DNAH6: variants seen among roughly 807,000 people sequenced by gnomAD.
DNAH6 encodes dynein axonemal heavy chain 6, also known as axonemal beta dynein heavy chain 6.
A neutral mutation model predicts 491.4 loss-of-function variants in DNAH6; 340 were observed. The observed-to-expected ratio is 0.69, with a 90% CI of 0.63 to 0.76. DNAH6 has a LOEUF of 0.76. Among genes scored for constraint, DNAH6 ranks in the 30% least tolerant of loss-of-function variants. DNAH6 has a pLI of 0.00. For synonymous variants in DNAH6, 1,603 were observed against 1,686.1 expected (o/e 0.95, Z 1.21); for missense variants, 4,443 against 4,972.2 (o/e 0.89, Z 3.20).
chr2:84,785,644 A>G lies in DNAH6; in HGVS notation c.10988A>G (p.Asn3663Ser). 1 of 1,546,638 alleles carries G rather than the reference A, an allele frequency of 6.5e-7. No homozygotes were observed. The highest frequency in any genetic ancestry group is 1.2e-5 in the South Asian group (1 of 82,526). Reference protein sequence around the residue: ...TNEPPKGLRANIRRAFTEMTP... With the variant: ...TNEPPKGLRASIRRAFTEMTP... ...GAGCCTCCAAAAGGCTTACGTGCAA[A>G]TATCAGACGAGCATTTACTGAAATG... Residue 3663 changes from asparagine to serine, a missense_variant, in exon 67 of 77, where the codon AAT becomes AGT. Physicochemically the swap from Asn to Ser is conservative, Grantham distance 46 (BLOSUM62 1). Around this residue, in one of 3 missense-constraint regions of DNAH6, gnomAD observed 1,463 missense variants for 1,656.6 expected, o/e 0.88. Transcript: ENST00000389394.
chr2:84,530,279 G>T (rs1677038269), intron 4 of DNAH6, among the ~76,000 whole-genome samples: 1 of 152,132 alleles, frequency 6.6e-6, no homozygotes. Flanking sequence ...GGAGTGCTGG[G>T]GAAGAGGTTG....
intron 11 of DNAH6, among the ~76,000 whole-genome samples, chr2:84,566,288 A>G (rs145458961): frequency 7.5e-4 from 114 of 152,194 alleles, no homozygotes; most frequent in African/African-American, 2.7e-3. Flanking sequence ...GATATTCACA[A>G]TGCCACCTCA....
rs200835304 is a variant in DNAH6, at chr2:84,573,456, A to G, written c.1804-11A>G. 1 of 1,569,886 alleles carries G rather than the reference A, an allele frequency of 6.4e-7. No homozygotes were observed. Among genetic ancestry groups the G allele is most frequent in the Non-Finnish European group, 8.6e-7 (1 of 1,165,952 alleles). On this transcript the variant is annotated splice_polypyrimidine_tract_variant and intron_variant, in intron 11 of 76. Coordinates refer to ENST00000389394, the MANE Select transcript of DNAH6 (RefSeq NM_001370.2). ...TATGGTCATATTTGTCTGCTTATTT[A>G]TAACATTTAGGAAACCATTCAGGCC...
At chr2:84,719,552 CCAGG>C (rs1697882969) in intron 59 of DNAH6, among the ~76,000 whole-genome samples, 1 of 151,802 alleles carries the variant, frequency 6.6e-6, no homozygotes, top group African/African-American at 2.4e-5. Context: ...GCTCTGTCAC[CCAGG>C]CTGGAGTGCA....
intron 2 of DNAH6, among the ~76,000 whole-genome samples, chr2:84,521,336 T>G (rs898872707): frequency 1.3e-5 from 2 of 152,036 alleles, no homozygotes; most frequent in African/African-American, 4.8e-5. Context: ...TGGGTTTTTT[T>G]GTAGATTTGT....
chr2:84,491,542 T>C, the DNAH6 span, among the ~76,000 whole-genome samples: 2 of 152,212 alleles, frequency 1.3e-5, no homozygotes, highest in South Asian at 4.1e-4. Context: ...ACATAGGGGC[T>C]TCTGGGAGAG....
intron 61 of DNAH6, among the ~76,000 whole-genome samples, chr2:84,729,834 A>G (rs1202576414): frequency 1.3e-5 from 2 of 152,052 alleles, no homozygotes; most frequent in South Asian, 2.1e-4. Flanking sequence ...TGACACTAGT[A>G]TTTTCTATTT....
At chr2:84,691,908 G>T (rs1694895287) in intron 45 of DNAH6, among the ~76,000 whole-genome samples, 1 of 152,210 alleles carries the variant, frequency 6.6e-6, no homozygotes, top group Non-Finnish European at 1.5e-5. Context: ...TTTAGACAAA[G>T]CCATCTTACC....
intron 37 of DNAH6, among the ~76,000 whole-genome samples, chr2:84,661,178 A>C (rs1691468473): frequency 6.6e-6 from 1 of 152,054 alleles, no homozygotes; most frequent in Non-Finnish European, 1.5e-5. Context: ...TGCTAGAGTC[A>C]TATCTAATTC....
At chr2:84,742,101 C>T (rs760870808) in intron 62 of DNAH6, among the ~76,000 whole-genome samples, 3 of 152,218 alleles carry the variant, frequency 2.0e-5, no homozygotes, top group Non-Finnish European at 2.9e-5. Flanking sequence ...TGAGTATCTG[C>T]TTACTATTCT....
chr2:84,647,514 A>C (rs1030323277), intron 33 of DNAH6, among the ~76,000 whole-genome samples: 1 of 152,214 alleles, frequency 6.6e-6, no homozygotes, highest in Non-Finnish European at 1.5e-5. Flanking sequence ...TGGTGGTTTT[A>C]AGTTAAAGCC....
At chr2:84,723,445 G>A (rs1009655077) in intron 60 of DNAH6, among the ~76,000 whole-genome samples, 6 of 152,116 alleles carry the variant, frequency 3.9e-5, no homozygotes, top group Non-Finnish European at 7.4e-5. Flanking sequence ...TCCTCAACTA[G>A]CTAGCATGTT....
At chr2:84,637,444 C>T (rs1049209909) in intron 31 of DNAH6, 67 bp downstream of exon 31, 1 of 1,439,806 alleles carries the variant, frequency 6.9e-7, no homozygotes, top group Middle Eastern at 2.1e-4. Context: ...TCGATTCTAT[C>T]AAGGTAGAAA....
intron 76 of DNAH6, among the ~76,000 whole-genome samples, chr2:84,817,162 G>T (rs188281200): frequency 6.6e-6 from 1 of 151,716 alleles, no homozygotes; most frequent in African/African-American, 2.4e-5. Context: ...ATATACCAAA[G>T]TGATACTTAA....
At chr2:84,818,606 A>G (rs1416864411) in intron 76 of DNAH6, among the ~76,000 whole-genome samples, 8 of 151,956 alleles carry the variant, frequency 5.3e-5, no homozygotes, top group Non-Finnish European at 1.0e-4. Context: ...TCACCACAGC[A>G]GTGCTGTCAT....
intron 64 of DNAH6, chr2:84,777,815 T>C (rs541491600): frequency 8.7e-7 from 1 of 1,149,620 alleles, no homozygotes; most frequent in African/African-American, 1.5e-5. Context: ...CCAAGCCACA[T>C]AGGTCAAGAT....
At chr2:84,617,399 A>G (rs1475145062) in intron 23 of DNAH6, among the ~76,000 whole-genome samples, 3 of 152,070 alleles carry the variant, frequency 2.0e-5, no homozygotes, top group Non-Finnish European at 4.4e-5. Context: ...CAATTAAATT[A>G]TTACTATTAA....
intron 59 of DNAH6, among the ~76,000 whole-genome samples, chr2:84,721,375 G>C (rs1298542879): frequency 1.3e-5 from 2 of 152,160 alleles, no homozygotes; most frequent in East Asian, 3.9e-4. Flanking sequence ...ATTACAGGGA[G>C]AGTTTGATCT....
At position 84,579,526 on chromosome 2, in the gene DNAH6, G is replaced by A. The variant is rs376600765; in HGVS notation, c.2077-1G>A. ...CAATTCACACGGTGTTTCTTTCTTA[G>A]GTGCTAAATTTTATGCTTCCTCGTC... On this transcript the variant is annotated splice_acceptor_variant, in intron 13 of 76. Coordinates refer to ENST00000389394, the MANE Select transcript of DNAH6 (RefSeq NM_001370.2). LOFTEE classifies it high-confidence loss of function. 1.2e-6 allele frequency: 2 copies of A among 1,613,244 alleles called. No individual in the cohort carries two copies. The highest frequency in any genetic ancestry group is 1.7e-6 in the Non-Finnish European group (2 of 1,179,700).
Sources: allele counts gnomAD v4.1 joint callset (sites outside exome capture counted in the v4.1 genomes callset), GRCh38; gene constraint gnomAD v4.1.1; regional missense constraint gnomAD v4.1.1; transcripts MANE v1.5; gene names NCBI Gene and HGNC (gene_info 2026-07-23, HGNC 2026-07-21).